The following FGF14 variants were observed in gnomAD, a reference collection of about 807,000 sequenced individuals.
FGF14 encodes fibroblast growth factor 14.
Under a neutral mutation model 25.5 loss-of-function variants are expected in FGF14, and 5 were observed. The ratio of observed to expected loss-of-function variants is 0.20; its 90% CI spans 0.10 to 0.41. The LOEUF (loss-of-function observed/expected upper bound fraction) is 0.41. Ranked by LOEUF, FGF14 falls within the 10% of genes least tolerant of loss-of-function variation. The pLI, the probability that FGF14 is intolerant of heterozygous loss-of-function variation, is 1.00. For missense variants in FGF14, 222 were observed against 320.1 expected, an observed-to-expected ratio of 0.69 and a Z score of 2.34; for synonymous variants, 138 against 118.3, an observed-to-expected ratio of 1.17 and a Z score of -1.08.
At chr13:101,957,266 T>C (rs2036571024) in intron 1 of FGF14, among the ~76,000 whole-genome samples, 1 of 152,100 alleles carries the variant, frequency 6.6e-6, no homozygotes, top group Non-Finnish European at 1.5e-5. Flanking sequence ...TCTTTCAGTG[T>C]AAAGTAAAAA....
At chr13:101,902,552 C>T (rs930988516) in intron 1 of FGF14, among the ~76,000 whole-genome samples, 2 of 152,258 alleles carry the variant, frequency 1.3e-5, no homozygotes, top group East Asian at 1.9e-4. Flanking sequence ...ATATTGATAC[C>T]AAGCCACTAT....
chr13:101,999,549 C>T (rs560593571), intron 1 of FGF14, among the ~76,000 whole-genome samples: 4 of 152,274 alleles, frequency 2.6e-5, no homozygotes, highest in East Asian at 1.9e-4. Context: ...GTGGCTGCTT[C>T]GGAAATGGGA....
intron 1 of FGF14, among the ~76,000 whole-genome samples, chr13:102,046,455 G>A (rs927451055): frequency 1.3e-5 from 2 of 152,124 alleles, no homozygotes; most frequent in African/African-American, 4.8e-5. Flanking sequence ...TGAATTAAAT[G>A]GGGAACCACA....
chr13:102,338,995 G>A (rs2056870788), intron 1 of FGF14, among the ~76,000 whole-genome samples: 1 of 129,440 alleles, frequency 7.7e-6, no homozygotes, highest in South Asian at 2.8e-4. Context: ...GGGCAACAGA[G>A]TAAGACTCTG....
chr13:102,318,121 T>G (rs1210876172), intron 1 of FGF14, among the ~76,000 whole-genome samples: 1 of 152,222 alleles, frequency 6.6e-6, no homozygotes, highest in African/African-American at 2.4e-5. Flanking sequence ...CCCAGCCACC[T>G]GGGTCTTTCC....
At chr13:102,290,578 C>T (rs1222596376) in intron 1 of FGF14, among the ~76,000 whole-genome samples, 2 of 152,114 alleles carry the variant, frequency 1.3e-5, no homozygotes, top group African/African-American at 4.8e-5. Context: ...TCTCTGGACC[C>T]GATCTACTTT....
chr13:102,254,680 T>C, intron 1 of FGF14, among the ~76,000 whole-genome samples: 1 of 152,184 alleles, frequency 6.6e-6, no homozygotes, highest in East Asian at 1.9e-4. Context: ...GGAGCTGTCA[T>C]GTCCATGGTA....
chr13:101,864,416 G>A (rs948020324), intron 3 of FGF14, among the ~76,000 whole-genome samples: 6 of 152,118 alleles, frequency 3.9e-5, no homozygotes, highest in Non-Finnish European at 7.4e-5. Context: ...TGCTTGTTGT[G>A]TGATTGTCCA....
intron 1 of FGF14, among the ~76,000 whole-genome samples, chr13:102,365,055 T>C (rs1197736983): frequency 3.9e-5 from 6 of 152,204 alleles, no homozygotes; most frequent in Non-Finnish European, 8.8e-5. Flanking sequence ...ACTAGGTTTC[T>C]CCATTGTGGG....
intron 3 of FGF14, among the ~76,000 whole-genome samples, chr13:101,745,077 T>C (rs2036801334): frequency 6.6e-6 from 1 of 152,108 alleles, no homozygotes; most frequent in Non-Finnish European, 1.5e-5. Context: ...AGAAAATTAA[T>C]ATGTAAGAAC....
At chr13:101,852,937 A>T (rs2043933223) in intron 3 of FGF14, among the ~76,000 whole-genome samples, 1 of 152,128 alleles carries the variant, frequency 6.6e-6, no homozygotes, top group Non-Finnish European at 1.5e-5. Flanking sequence ...ACCCTAAATC[A>T]ATGTCTGCTG....
At chr13:102,371,648 C>G (rs2057888451) in intron 1 of FGF14, among the ~76,000 whole-genome samples, 1 of 152,034 alleles carries the variant, frequency 6.6e-6, no homozygotes, top group Non-Finnish European at 1.5e-5. Context: ...TTTTTATACC[C>G]TTAGCACTAA....
chr13:102,346,225 T>G (rs935425614), intron 1 of FGF14, among the ~76,000 whole-genome samples: 2 of 152,164 alleles, frequency 1.3e-5, no homozygotes, highest in East Asian at 3.8e-4. Flanking sequence ...GTAGACCTAA[T>G]TTAAAGACAT....
At chr13:101,980,138 T>A (rs1455434016) in intron 1 of FGF14, among the ~76,000 whole-genome samples, 1 of 152,214 alleles carries the variant, frequency 6.6e-6, no homozygotes, top group Non-Finnish European at 1.5e-5. Context: ...CATTCTGTAG[T>A]AGATAAAACA....
chr13:101,966,466 C>CG (rs36096052), intron 1 of FGF14, among the ~76,000 whole-genome samples: 25,622 of 151,682 alleles, frequency 0.17, 2,536 homozygotes, highest in Admixed American at 0.3. Flanking sequence ...GAGAATAAAT[C>CG]TTGTGGTTTT....
At chr13:102,182,559 G>T (rs1388559260) in intron 1 of FGF14, among the ~76,000 whole-genome samples, 1 of 151,852 alleles carries the variant, frequency 6.6e-6, no homozygotes, top group African/African-American at 2.4e-5. Context: ...TAATTTTGTT[G>T]AACTTTGTGA....
chr13:101,851,487 T>C (rs1372976799), intron 3 of FGF14, among the ~76,000 whole-genome samples: 1 of 152,026 alleles, frequency 6.6e-6, no homozygotes, highest in Admixed American at 6.6e-5. Flanking sequence ...CCTAGCAAAC[T>C]CCTACAACCA....
chr13:101,852,650 C>T (rs1359135075), intron 3 of FGF14, among the ~76,000 whole-genome samples: 1 of 152,012 alleles, frequency 6.6e-6, no homozygotes, highest in Non-Finnish European at 1.5e-5. Flanking sequence ...AAAATCAGGA[C>T]TCAGAGATCC....
intron 1 of FGF14, among the ~76,000 whole-genome samples, chr13:102,321,064 T>G (rs1305403288): frequency 2.6e-5 from 4 of 152,214 alleles, no homozygotes; most frequent in Non-Finnish European, 5.9e-5. Flanking sequence ...GTCTGATTCC[T>G]GCTTGATATT....
Sources: gnomAD v4.1 joint callset for allele counts (sites outside exome capture counted in the v4.1 genomes callset) on GRCh38, gnomAD v4.1.1 for gene constraint, MANE v1.5 for transcripts, NCBI Gene and HGNC (gene_info 2026-07-23, HGNC 2026-07-21) for gene names.